Variants in COL24A1 observed in about 807,000 individuals in gnomAD.
COL24A1 encodes the protein collagen type XXIV alpha 1 chain.
COL24A1 carries 224 observed loss-of-function variants against 253.9 expected under a neutral mutation model. The observed-to-expected ratio is 0.88, with a 90% CI of 0.79 to 0.99. The LOEUF (loss-of-function observed/expected upper bound fraction) is 0.99, where lower values mean the gene tolerates loss of function less well. COL24A1 is among the 50% of genes least tolerant of loss of function. The pLI, the probability that COL24A1 is intolerant of heterozygous loss-of-function variation, is 0.00. For missense variants in COL24A1, 2,131 were observed against 2,068.5 expected, an observed-to-expected ratio of 1.03 and a Z score of -0.59; for synonymous variants, 685 against 673.7, an observed-to-expected ratio of 1.02 and a Z score of -0.26.
chr1:85,913,351 G>T (rs1249994165), intron 24 of COL24A1, among the ~76,000 whole-genome samples: 1 of 152,168 alleles, frequency 6.6e-6, no homozygotes, highest in Non-Finnish European at 1.5e-5. Context: ...TATATGCTCT[G>T]AATCAGTGTC....
intron 11 of COL24A1, among the ~76,000 whole-genome samples, chr1:86,049,850 A>C (rs940137127): frequency 3.3e-5 from 5 of 152,130 alleles, no homozygotes; most frequent in African/African-American, 1.2e-4. Flanking sequence ...TTACAAAATA[A>C]AAATTTCATA....
intron 6 of COL24A1, among the ~76,000 whole-genome samples, chr1:86,090,564 G>T (rs1356158414): frequency 2.6e-5 from 4 of 151,978 alleles, no homozygotes; most frequent in Admixed American, 1.3e-4. Context: ...ACAATTGTTT[G>T]CCCACCCCCT....
At chr1:85,765,167 C>T (rs539157587) in intron 53 of COL24A1, among the ~76,000 whole-genome samples, 9 of 152,080 alleles carry the variant, frequency 5.9e-5, no homozygotes, top group Non-Finnish European at 1.3e-4. Context: ...AGAAACCATC[C>T]TTCTCACTTT....
chr1:85,870,268 G>A (rs1381865357), intron 35 of COL24A1, among the ~76,000 whole-genome samples: 1 of 152,108 alleles, frequency 6.6e-6, no homozygotes, highest in East Asian at 1.9e-4. Context: ...ACACCCCATT[G>A]TCAACATTAG....
At chr1:86,055,560 T>A (rs1293445771) in intron 10 of COL24A1, among the ~76,000 whole-genome samples, 3 of 152,224 alleles carry the variant, frequency 2.0e-5, no homozygotes, top group Non-Finnish European at 2.9e-5. Flanking sequence ...TAAGAGTAAG[T>A]TGTACAGTGC....
intron 19 of COL24A1, among the ~76,000 whole-genome samples, chr1:85,993,733 G>A (rs12025292): frequency 0.4 from 60,389 of 151,590 alleles, 12,432 homozygotes; most frequent in East Asian, 0.58. Flanking sequence ...ATACCTCAAT[G>A]AGCCTGTAAA....
At chr1:85,789,281 T>C (rs1380756259) in intron 47 of COL24A1, among the ~76,000 whole-genome samples, 3 of 152,152 alleles carry the variant, frequency 2.0e-5, no homozygotes, top group African/African-American at 7.2e-5. Context: ...TTATTTCCCT[T>C]GTTAGCTATA....
At chr1:85,998,514 G>C (rs1695080833) in intron 19 of COL24A1, among the ~76,000 whole-genome samples, 1 of 152,150 alleles carries the variant, frequency 6.6e-6, no homozygotes, top group Non-Finnish European at 1.5e-5. Context: ...GCAGGAAAAG[G>C]AATGTATCTG....
intron 24 of COL24A1, among the ~76,000 whole-genome samples, chr1:85,916,868 C>T (rs543992376): frequency 5.1e-4 from 77 of 152,260 alleles, no homozygotes; most frequent in African/African-American, 1.7e-3. Context: ...ATTGAAGATG[C>T]CCCTAACTTA....
intron 24 of COL24A1, among the ~76,000 whole-genome samples, chr1:85,945,021 T>TGTTTG (rs1228584149): frequency 8.9e-6 from 1 of 112,620 alleles, no homozygotes; most frequent in East Asian, 2.6e-4. Flanking sequence ...TTTTTTTTTT[T>TGTTTG]TTTTTTTTTT....
At chr1:85,950,478 G>T (rs1236806002) in intron 24 of COL24A1, among the ~76,000 whole-genome samples, 1 of 152,166 alleles carries the variant, frequency 6.6e-6, no homozygotes, top group Non-Finnish European at 1.5e-5. Context: ...AGAGGAGGGG[G>T]TGAATTGAAT....
chr1:86,070,760 G>A (rs1701819737), intron 7 of COL24A1, among the ~76,000 whole-genome samples: 1 of 152,092 alleles, frequency 6.6e-6, no homozygotes, highest in South Asian at 2.1e-4. Context: ...GCATGAAGGA[G>A]AAATAGACTT....
At chr1:85,821,554 G>C (rs1673621822) in intron 45 of COL24A1, among the ~76,000 whole-genome samples, 2 of 152,108 alleles carry the variant, frequency 1.3e-5, no homozygotes, top group South Asian at 4.1e-4. Context: ...GGACCCATCT[G>C]GCCACTGAAG....
At chr1:85,987,179 T>C (rs1211391528) in intron 20 of COL24A1, among the ~76,000 whole-genome samples, 2 of 151,854 alleles carry the variant, frequency 1.3e-5, no homozygotes, top group Non-Finnish European at 3.0e-5. Flanking sequence ...TAAAAATGCT[T>C]GGGTTTCTTC....
At chr1:86,133,829 C>T (rs1572037429) in intron 2 of COL24A1, among the ~76,000 whole-genome samples, 1 of 152,002 alleles carries the variant, frequency 6.6e-6, no homozygotes, top group Non-Finnish European at 1.5e-5. Flanking sequence ...TGTGTCTCTG[C>T]CAGGCTTTGG....
At chr1:85,743,938 TACAA>T (rs200687998) in intron 57 of COL24A1, among the ~76,000 whole-genome samples, 1,624 of 152,136 alleles carry the variant, frequency 0.011, 28 homozygotes, top group African/African-American at 0.037. Flanking sequence ...GATGTGTATG[TACAA>T]ACAAAATTAA....
intron 12 of COL24A1, among the ~76,000 whole-genome samples, chr1:86,046,581 A>G (rs1699919292): frequency 6.6e-6 from 1 of 152,156 alleles, no homozygotes; most frequent in Admixed American, 6.5e-5. Context: ...CCGTAGAGAT[A>G]AGGGTTTTCC....
intron 1 of COL24A1, among the ~76,000 whole-genome samples, chr1:86,146,716 G>C (rs946382587): frequency 6.6e-6 from 1 of 151,722 alleles, no homozygotes; most frequent in Admixed American, 6.6e-5. Flanking sequence ...TAAATCACTC[G>C]TACTAGATTC....
At chr1:86,115,415 T>C (rs372955601) in intron 3 of COL24A1, 37 bp from the exon 4 acceptor site, 7 of 1,578,538 alleles carry the variant, frequency 4.4e-6, no homozygotes, top group South Asian at 2.2e-5. Context: ...GGCATGATAG[T>C]GGACACATTT....
Sources: gnomAD v4.1 joint callset for allele counts (sites outside exome capture counted in the v4.1 genomes callset) on GRCh38, gnomAD v4.1.1 for gene constraint, MANE v1.5 for transcripts, NCBI Gene and HGNC (gene_info 2026-07-23, HGNC 2026-07-21) for gene names.